CHD6: variants seen among roughly 807,000 people sequenced by gnomAD.
CHD6 encodes the protein ATP-dependent chromatin remodeler CHD6.
Under a neutral mutation model 276.9 loss-of-function variants are expected in CHD6, and 50 were observed. The ratio of observed to expected loss-of-function variants is 0.18; its 90% CI spans 0.14 to 0.23. CHD6 has a LOEUF of 0.23. CHD6 is among the 10% of genes least tolerant of loss of function. The probability of loss-of-function intolerance (pLI) is 1.00; values close to 1 mark genes in which losing one functional copy is unlikely to be tolerated. For synonymous variants in CHD6, 1,173 were observed against 1,229.3 expected (o/e 0.95, Z 0.96); for missense variants, 2,564 against 3,365.8 (o/e 0.76, Z 5.89).
intron 3 of CHD6, among the ~76,000 whole-genome samples, chr20:41,525,742 T>G (rs1366690503): frequency 1.3e-5 from 2 of 152,234 alleles, no homozygotes; most frequent in Non-Finnish European, 2.9e-5. Context: ...TTAATTTCTT[T>G]AATAACTGGA....
chr20:41,418,836 C>G (rs939787089), intron 31 of CHD6, among the ~76,000 whole-genome samples: 2 of 152,184 alleles, frequency 1.3e-5, no homozygotes, highest in Non-Finnish European at 2.9e-5. Context: ...CCCACCCACG[C>G]GTGCACATGA....
chr20:41,569,325 C>T (rs1338360052), intron 1 of CHD6, among the ~76,000 whole-genome samples: 3 of 152,244 alleles, frequency 2.0e-5, no homozygotes, highest in Non-Finnish European at 4.4e-5. Flanking sequence ...ACACCATCTA[C>T]ACCATATGTG....
At chr20:41,604,517 T>A (rs1048135053) in intron 1 of CHD6, among the ~76,000 whole-genome samples, 1 of 152,228 alleles carries the variant, frequency 6.6e-6, no homozygotes, top group African/African-American at 2.4e-5. Context: ...GAGTTGGCTA[T>A]GAAAATCATT....
At chr20:41,559,167 C>A (rs2045273982) in intron 1 of CHD6, among the ~76,000 whole-genome samples, 1 of 152,036 alleles carries the variant, frequency 6.6e-6, no homozygotes, top group South Asian at 2.1e-4. Context: ...CACACACACA[C>A]ACACACACAC....
At chr20:41,495,422 G>A (rs1250863774) in intron 8 of CHD6, among the ~76,000 whole-genome samples, 2 of 152,182 alleles carry the variant, frequency 1.3e-5, no homozygotes, top group African/African-American at 4.8e-5. Flanking sequence ...ACTCATAGAA[G>A]CAGAGAGTAA....
At chr20:41,527,021 T>C (rs1055365561) in intron 3 of CHD6, among the ~76,000 whole-genome samples, 9 of 152,184 alleles carry the variant, frequency 5.9e-5, no homozygotes, top group African/African-American at 1.9e-4. Flanking sequence ...GGCCAGCACA[T>C]TGACTAATTT....
chr20:41,533,190 C>G lies in CHD6; in HGVS notation c.414G>C (p.Lys138Asn), dbSNP rs1330897100. ...KEPRKAKEPK[K>N]AKEHKEPKQK... ...GCTTCGGCTCCTTGTGCTCCTTGGC[C>G]TTCTTCGGCTCCTTGGCCTTTCTGG... Residue 138 changes from lysine (K) to asparagine (N), a missense_variant, in exon 3 of 37, where the codon AAG becomes AAC. Physicochemically the swap from Lys to Asn is moderately conservative, Grantham distance 94. Transcript: ENST00000373233. 3.1e-6 allele frequency: 5 copies of G among 1,613,828 alleles called. No homozygotes were observed. In the African/African-American group the frequency reaches 5.3e-5, roughly 17 times the overall value.
chr20:41,555,685 C>CA (rs1448703213), intron 1 of CHD6, among the ~76,000 whole-genome samples: 1 of 151,286 alleles, frequency 6.6e-6, no homozygotes, highest in African/African-American at 2.4e-5. Flanking sequence ...CCCCACATCT[C>CA]AGACGATGGG....
chr20:41,554,543 C>T (rs1366299859), intron 1 of CHD6, among the ~76,000 whole-genome samples: 5 of 151,344 alleles, frequency 3.3e-5, no homozygotes, highest in African/African-American at 9.7e-5. Flanking sequence ...TGCGGCCTTC[C>T]GCAGTGTTTG....
chr20:41,608,777 G>T (rs990131896), intron 1 of CHD6, among the ~76,000 whole-genome samples: 1 of 152,154 alleles, frequency 6.6e-6, no homozygotes, highest in African/African-American at 2.4e-5. Flanking sequence ...ATCTAGTAAT[G>T]ATGGTGACCT....
chr20:41,405,108 T>C lies in CHD6; in HGVS notation c.7633A>G (p.Thr2545Ala). The change falls in exon 37 of 37, where the codon ACC (threonine) becomes GCC (alanine). Residue 2545 changes from threonine (T) to alanine (A), a missense_variant. Physicochemically the swap from Thr to Ala is moderately conservative, Grantham distance 58. Around this residue, in one of 7 missense-constraint regions of CHD6, gnomAD observed 238 missense variants for 266.0 expected, o/e 0.89. Transcript: ENST00000373233. ...GACGCCGGAGCAGTGGAAGTGCAGG[T>C]GGTTGCCATGGGTGGACTGAGGAGT... is the stretch of plus-strand genomic sequence containing the variant. ...GGLLSPPMAT[T>A]CTSTAPASLS... 6.2e-7 allele frequency: 1 copy of C among 1,614,236 alleles called. No homozygotes were observed. The highest frequency in any genetic ancestry group is 8.5e-7 in the Non-Finnish European group (1 of 1,180,042).
rs753307336 is a variant in CHD6 at position 41,420,696 on chromosome 20, T to C, written c.5939A>G (p.Glu1980Gly). The C allele has an allele frequency of 1.5e-5, 25 of 1,614,110 alleles. No individual in the cohort carries two copies. The Admixed American group carries it at 3.7e-4, about 24-fold the overall frequency. Residue 1980 changes from glutamate (E) to glycine (G), a missense_variant, in exon 31 of 37, where the codon GAA becomes GGA. Transcript: ENST00000373233. ...CGGCTGTGATGGAATAGCAGTGGGT[T>C]CACCCTCCATGGCGATAGTATTGGT... Reference protein sequence around the residue: ...SKTNTIAMEGEPTAIPSQPFK... With the variant: ...SKTNTIAMEGGPTAIPSQPFK...
At chr20:41,587,532 A>G (rs1049007798) in intron 1 of CHD6, among the ~76,000 whole-genome samples, 3 of 152,236 alleles carry the variant, frequency 2.0e-5, no homozygotes, top group African/African-American at 7.2e-5. Flanking sequence ...AGTTCACACC[A>G]TAAGGTTAGT....
chr20:41,433,300 G>A (rs992348749), intron 27 of CHD6, among the ~76,000 whole-genome samples: 13 of 152,068 alleles, frequency 8.5e-5, no homozygotes, highest in Middle Eastern at 6.3e-3. Flanking sequence ...ACAGAAATCC[G>A]TAAGCACATA....
At chr20:41,418,402 G>C (rs547847274) in intron 31 of CHD6, among the ~76,000 whole-genome samples, 2 of 152,282 alleles carry the variant, frequency 1.3e-5, no homozygotes, top group Admixed American at 1.3e-4. Flanking sequence ...AGGCAACAGG[G>C]AAGGGTATTG....
At chr20:41,544,826 TTAC>T (rs1413691434) in intron 2 of CHD6, among the ~76,000 whole-genome samples, 1 of 151,716 alleles carries the variant, frequency 6.6e-6, no homozygotes, top group Admixed American at 6.6e-5. Flanking sequence ...TAATATATGA[TTAC>T]TATGTAATAT....
At chr20:41,490,776 G>A (rs1211596230) in intron 11 of CHD6, among the ~76,000 whole-genome samples, 1 of 151,972 alleles carries the variant, frequency 6.6e-6, no homozygotes, top group Non-Finnish European at 1.5e-5. Context: ...TCACACCATT[G>A]CACTCCAGCA....
intron 3 of CHD6, among the ~76,000 whole-genome samples, chr20:41,526,159 AC>A (rs2044530495): frequency 6.6e-6 from 1 of 152,060 alleles, no homozygotes; most frequent in African/African-American, 2.4e-5. Flanking sequence ...AAAAAAAAAA[AC>A]AAAAACCCCA....
intron 1 of CHD6, among the ~76,000 whole-genome samples, chr20:41,596,518 G>A (rs1409865226): frequency 7.2e-5 from 11 of 151,790 alleles, no homozygotes; most frequent in Non-Finnish European, 1.0e-4. Context: ...ACATCCTCCC[G>A]GTCAAAATAT....
Sources: gnomAD v4.1 joint callset for allele counts (sites outside exome capture counted in the v4.1 genomes callset) on GRCh38, gnomAD v4.1.1 for gene constraint, gnomAD v4.1.1 regional missense constraint, MANE v1.5 for transcripts, NCBI Gene and HGNC (gene_info 2026-07-23, HGNC 2026-07-21) for gene names.